The following PPP3R1 variants were observed in gnomAD, a reference collection of about 807,000 sequenced individuals.
PPP3R1 encodes the protein calcineurin subunit B type 1.
In PPP3R1, 5 loss-of-function variants were observed where a neutral mutation model predicts 22.6. That is an observed-to-expected ratio of 0.22 (90% CI 0.12 to 0.46). The LOEUF (loss-of-function observed/expected upper bound fraction) is 0.46. PPP3R1 is among the 20% of genes least tolerant of loss of function. PPP3R1 has a pLI of 0.99. For synonymous variants in PPP3R1, 56 were observed against 65.2 expected (o/e 0.86, Z 0.68); for missense variants, 61 against 203.2 (o/e 0.30, Z 4.25).
chr2:68,206,990 A>T (rs1347630298), intron 2 of PPP3R1, among the ~76,000 whole-genome samples: 1 of 152,130 alleles, frequency 6.6e-6, no homozygotes, highest in Non-Finnish European at 1.5e-5. Flanking sequence ...ATTAACCTAA[A>T]TAGGGAAGTA....
chr2:68,188,598 G>C lies in PPP3R1; in HGVS notation c.136C>G (p.Leu46Val), dbSNP rs1484879018. The C allele has an allele frequency of 6.2e-7, 1 of 1,613,422 alleles. No homozygotes were observed. The highest frequency in any genetic ancestry group is 8.5e-7 in the Non-Finnish European group (1 of 1,179,594). The change falls in exon 3 of 6, where the codon CTG (leucine) becomes GTG (valine). Residue 46 changes from leucine (L) to valine (V), a missense_variant. By Grantham distance (32) the Leu-to-Val change is conservative (BLOSUM62 1). Coordinates refer to ENST00000234310, the MANE Select transcript of PPP3R1 (RefSeq NM_000945.4). ...GSLSVEEFMSLPELQQNPLVQ... is the reference protein window; with the variant it reads ...GSLSVEEFMSVPELQQNPLVQ... ...AAAGGATTCTGTTGTAACTCAGGCA[G>C]AGACATGAACTCTTCCACACTCAAA...
Position 68,252,451 on chromosome 2 carries a change from C to CG in PPP3R1, c.-325dup, listed in dbSNP as rs1670390676. On this transcript the variant is annotated 5_prime_UTR_variant, in exon 1 of 6. Transcript: ENST00000234310. ...AGGGGGCGAAGACGGCCGGGAAACT[C>CG]GGGGGCTGCAGCCTCGCGCTCGCGC... The CG allele has an allele frequency of 1.0e-6, 1 of 989,688 alleles. No individual in the cohort carries two copies. 61.3% of individuals were successfully genotyped at this position (989,688 alleles called of 1,614,324 possible). A position where few individuals can be genotyped will look rare whatever the true frequency, so the allele number is the denominator to read the frequency against.
chr2:68,232,179 A>G (rs1325731436), intron 1 of PPP3R1, among the ~76,000 whole-genome samples: 2 of 96,270 alleles, frequency 2.1e-5, no homozygotes, highest in Non-Finnish European at 3.8e-5. Flanking sequence ...ATACATATAT[A>G]CGTATATGTA....
intron 2 of PPP3R1, among the ~76,000 whole-genome samples, chr2:68,197,354 G>A (rs1012431173): frequency 1.3e-5 from 2 of 152,158 alleles, no homozygotes; most frequent in Admixed American, 6.5e-5. Context: ...GTTGTTGCAT[G>A]TGTCAGTTTG....
intron 5 of PPP3R1, among the ~76,000 whole-genome samples, 154 bp from the exon 6 acceptor site, chr2:68,181,164 T>G (rs939344482): frequency 1.2e-4 from 18 of 152,148 alleles, no homozygotes; most frequent in Middle Eastern, 3.4e-3. Context: ...CCAAGGCAGG[T>G]GGATCACAAG....
At chr2:68,201,674 G>T (rs1674977265) in intron 2 of PPP3R1, among the ~76,000 whole-genome samples, 1 of 152,108 alleles carries the variant, frequency 6.6e-6, no homozygotes, top group Non-Finnish European at 1.5e-5. Context: ...ACATATTCAA[G>T]AACTCGTTTA....
intron 1 of PPP3R1, among the ~76,000 whole-genome samples, chr2:68,240,589 C>T (rs528524751): frequency 2.0e-5 from 3 of 152,270 alleles, no homozygotes; most frequent in African/African-American, 7.2e-5. Context: ...CATGACCTGA[C>T]CTGCTCTGGG....
rs576632496 is a variant in PPP3R1, at chr2:68,234,627, A to G, written c.4-17496T>C. Among the ~76,000 whole-genome samples, 59 of 152,350 alleles carry G rather than the reference A, an allele frequency of 3.9e-4. 1 individual carries two copies. Among genetic ancestry groups the G allele is most frequent in the Admixed American group, 3.9e-3 (59 of 15,300 alleles). On this transcript the variant is annotated intron_variant, in intron 1 of 5. Coordinates refer to ENST00000234310, the MANE Select transcript of PPP3R1 (RefSeq NM_000945.4). ...TAAAACAGCAGTCACAATCGCAGAAACACGACAGTGAGAGGGTGTCAGGTG... is the reference window on the plus strand; with the variant it reads ...TAAAACAGCAGTCACAATCGCAGAAGCACGACAGTGAGAGGGTGTCAGGTG...
intron 2 of PPP3R1, among the ~76,000 whole-genome samples, chr2:68,199,746 T>G (rs1674933971): frequency 6.6e-6 from 1 of 152,246 alleles, no homozygotes; most frequent in Admixed American, 6.5e-5. Context: ...GTAAATTACA[T>G]TAATTTTTGA....
chr2:68,212,009 A>G (rs967414608), intron 2 of PPP3R1, among the ~76,000 whole-genome samples: 2 of 152,228 alleles, frequency 1.3e-5, no homozygotes, highest in Non-Finnish European at 2.9e-5. Flanking sequence ...TCTTGTTTAT[A>G]CTGATATTTT....
intron 5 of PPP3R1, among the ~76,000 whole-genome samples, chr2:68,186,113 A>G (rs1241141750): frequency 6.6e-6 from 1 of 152,200 alleles, no homozygotes; most frequent in Middle Eastern, 3.2e-3. Context: ...CTTGCAGTTT[A>G]AAATCCTTGT....
At position 68,201,852 on chromosome 2, in the gene PPP3R1, C is replaced by T. The variant is rs547147389; in HGVS notation, c.44-13162G>A. On this transcript the variant is annotated intron_variant, in intron 2 of 5. Transcript: ENST00000234310. ...CTGCTGTGAAGAAGTCCAATGCCAG[C>T]GGACTCCTATTCTTTTTAGGTAACA... is the stretch of plus-strand genomic sequence containing the variant. Among the ~76,000 whole-genome samples, 133 of 152,292 alleles carry T rather than the reference C, an allele frequency of 8.7e-4. No homozygotes were observed. The Middle Eastern group carries it at 0.01, about 12-fold the overall frequency.
intron 5 of PPP3R1, among the ~76,000 whole-genome samples, chr2:68,182,099 C>A (rs951672661): frequency 8.6e-6 from 1 of 116,322 alleles, no homozygotes; most frequent in Non-Finnish European, 1.8e-5. Flanking sequence ...CACACACACA[C>A]GACCAGTAGC....
chr2:68,182,722 TC>T (rs1437731486), intron 5 of PPP3R1, among the ~76,000 whole-genome samples: 1 of 136,328 alleles, frequency 7.3e-6, no homozygotes, highest in Non-Finnish European at 1.6e-5. Flanking sequence ...GAGGCAACAC[TC>T]CCTCTCAAAA....
chr2:68,233,716 C>T (rs1669963252), intron 1 of PPP3R1, among the ~76,000 whole-genome samples: 1 of 151,902 alleles, frequency 6.6e-6, no homozygotes, highest in African/African-American at 2.4e-5. Context: ...AATTTCTTTT[C>T]TACTATTCTT....
At chr2:68,244,608 G>C (rs1383549983) in intron 1 of PPP3R1, among the ~76,000 whole-genome samples, 2 of 151,382 alleles carry the variant, frequency 1.3e-5, no homozygotes. Flanking sequence ...AACTTTTCTA[G>C]AGCTCATTCC....
At position 68,229,973 on chromosome 2, in the gene PPP3R1, TAC is replaced by T. The variant is rs201152385; in HGVS notation, c.4-12844_4-12843del. ...ATGTGTGTGTGTATATATACACACA[TAC>T]ACACACACACACACACACACACACA... is the stretch of plus-strand genomic sequence containing the variant. On this transcript the variant is annotated intron_variant, in intron 1 of 5. Transcript: ENST00000234310. Among the ~76,000 whole-genome samples, 771 of 143,244 alleles carry T rather than the reference TAC, an allele frequency of 5.4e-3. 6 individuals are homozygous for T. The highest frequency in any genetic ancestry group is 0.018 in the East Asian group (85 of 4,808). The allele number at this position is 143,244 out of a possible 152,430, so 94.0% of individuals were successfully genotyped here. A position where few individuals can be genotyped will look rare whatever the true frequency, so the allele number is the denominator to read the frequency against.
chr2:68,192,498 T>C (rs1415571095), intron 2 of PPP3R1, among the ~76,000 whole-genome samples: 1 of 152,170 alleles, frequency 6.6e-6, no homozygotes, highest in African/African-American at 2.4e-5. Context: ...AGTGGGGACA[T>C]TAATTATAGT....
Position 68,235,960 on chromosome 2 carries a change from T to C in PPP3R1, c.3+16165A>G, listed in dbSNP as rs114853963. Among the ~76,000 whole-genome samples, 327 of 152,316 alleles carry C rather than the reference T, an allele frequency of 2.1e-3. 2 individuals are homozygous for C. Among genetic ancestry groups the C allele is most frequent in the African/African-American group, 7.7e-3 (319 of 41,566 alleles). On this transcript the variant is annotated intron_variant, in intron 1 of 5. Transcript: ENST00000234310. ...ACTAATGATGTTGAGCATCTTTGCA[T>C]GCACTACTGACATCTTCATATCTTC... is the stretch of plus-strand genomic sequence containing the variant.
Sources: allele counts gnomAD v4.1 joint callset (sites outside exome capture counted in the v4.1 genomes callset), GRCh38; gene constraint gnomAD v4.1.1; transcripts MANE v1.5; gene names NCBI Gene and HGNC (gene_info 2026-07-23, HGNC 2026-07-21).